The following KIF6 variants were observed in gnomAD, a reference collection of about 807,000 sequenced individuals.
KIF6 encodes the protein kinesin-like protein KIF6.
KIF6 carries 106 observed loss-of-function variants against 112.7 expected under a neutral mutation model. That is an observed-to-expected ratio of 0.94 (90% CI 0.80 to 1.11). The LOEUF (loss-of-function observed/expected upper bound fraction) is 1.11. Ranked by LOEUF, KIF6 falls within the 50% of genes least tolerant of loss-of-function variation. The pLI is 0.00. For synonymous variants in KIF6, 339 were observed against 339.9 expected, an observed-to-expected ratio of 1.00 and a Z score of 0.03; for missense variants, 929 against 964.0, an observed-to-expected ratio of 0.96 and a Z score of 0.48.
chr6:39,519,744 G>T (rs937986657), intron 13 of KIF6, among the ~76,000 whole-genome samples: 3 of 89,260 alleles, frequency 3.4e-5, no homozygotes, highest in African/African-American at 2.2e-4. Context: ...AAGCCAGCCG[G>T]GCGCCGCGGC....
chr6:39,689,578 T>G (rs1375786525), intron 3 of KIF6, among the ~76,000 whole-genome samples: 1 of 152,148 alleles, frequency 6.6e-6, no homozygotes, highest in Non-Finnish European at 1.5e-5. Context: ...TGAATTCTGC[T>G]GTCATATAAT....
chr6:39,643,167 T>C (rs1784997157), intron 3 of KIF6, among the ~76,000 whole-genome samples: 1 of 152,186 alleles, frequency 6.6e-6, no homozygotes, highest in Admixed American at 6.6e-5. Flanking sequence ...AGGAATTTAC[T>C]ATAAAATTAT....
chr6:39,544,734 C>T lies in KIF6; in HGVS notation c.1288-41G>A, dbSNP rs73414667. Reference sequence around the variant, plus strand: ...AGAGCTTAGTACCCATATCTCTAGTCCAAATTTCTTTGTTTCTTTGACTCT... The same window carrying T: ...AGAGCTTAGTACCCATATCTCTAGTTCAAATTTCTTTGTTTCTTTGACTCT... On this transcript the variant is annotated intron_variant, in intron 11 of 22. Coordinates refer to ENST00000287152, the MANE Select transcript of KIF6 (RefSeq NM_145027.6). The T allele has an allele frequency of 6.3e-3, 8,031 of 1,278,722 alleles. 380 individuals carry two copies. In the African/African-American group the frequency reaches 0.1, roughly 17 times the overall value. The allele number at this position is 1,278,722 out of a possible 1,614,324, so 79.2% of individuals were successfully genotyped here.
At chr6:39,687,645 T>C (rs950299022) in intron 3 of KIF6, among the ~76,000 whole-genome samples, 1 of 152,156 alleles carries the variant, frequency 6.6e-6, no homozygotes, top group Admixed American at 6.6e-5. Flanking sequence ...TTTAATACAT[T>C]TTGTTAGTAT....
chr6:39,586,428 G>A (rs766595808), intron 7 of KIF6, 24 bp from the exon 8 acceptor site: 1 of 1,606,360 alleles, frequency 6.2e-7, no homozygotes, highest in Admixed American at 1.7e-5. Context: ...GAAAGATAAT[G>A]GGATTAATTT....
chr6:39,409,653 C>T (rs527819207), intron 15 of KIF6, among the ~76,000 whole-genome samples: 1 of 152,304 alleles, frequency 6.6e-6, no homozygotes, highest in East Asian at 1.9e-4. Flanking sequence ...GTTAGAGAGC[C>T]AGTCTGGTCC....
chr6:39,336,201 T>G lies in KIF6; in HGVS notation c.*331A>C. On this transcript the variant is annotated 3_prime_UTR_variant, in exon 23 of 23. Coordinates refer to ENST00000287152, the MANE Select transcript of KIF6 (RefSeq NM_145027.6). ...TATATTTTGATGGTGCTATTTCACATTCTCAAAAGCTTATAAAGATCTACA... is the reference window on the plus strand; with the variant it reads ...TATATTTTGATGGTGCTATTTCACAGTCTCAAAAGCTTATAAAGATCTACA... 3.8e-6 allele frequency: 1 copy of G among 260,812 alleles called. No individual in the cohort carries two copies. The highest frequency in any genetic ancestry group is 7.2e-6 in the Non-Finnish European group (1 of 138,376). The allele number at this position is 260,812 out of a possible 1,614,324, so 16.2% of individuals were successfully genotyped here. A position where few individuals can be genotyped will look rare whatever the true frequency, so the allele number is the denominator to read the frequency against.
intron 19 of KIF6, among the ~76,000 whole-genome samples, chr6:39,354,510 G>GA (rs1287045350): frequency 6.6e-6 from 1 of 152,220 alleles, no homozygotes; most frequent in East Asian, 1.9e-4. Context: ...AATGATGTAG[G>GA]AACTAGAAGA....
chr6:39,586,365 G>T lies in KIF6; in HGVS notation c.886C>A (p.Pro296Thr). ...ALSEKHRSHI[P>T]YRNSMMTSVL... ...CTGGTCATCATGGAGTTTCTATAAG[G>T]AATGTGCGAACGGTGCTTTTCTGAA... The change falls in exon 8 of 23, where the codon CCT becomes ACT. Residue 296 changes from proline (P) to threonine (T), a missense_variant. Pro to Thr is a conservative substitution (Grantham distance 38). Around this residue, in one of 2 missense-constraint regions of KIF6, gnomAD observed 688 missense variants for 662.7 expected, o/e 1.04. Transcript: ENST00000287152. 6.2e-7 allele frequency: 1 copy of T among 1,614,040 alleles called. No individual in the cohort carries two copies. The highest frequency in any genetic ancestry group is 1.1e-5 in the South Asian group (1 of 91,074).
chr6:39,394,132 G>A (rs1562169967), intron 15 of KIF6, among the ~76,000 whole-genome samples: 2 of 152,192 alleles, frequency 1.3e-5, no homozygotes, highest in Non-Finnish European at 2.9e-5. Flanking sequence ...ACAGGTTACT[G>A]AGGGTGGAAG....
In KIF6 at chr6:39,455,821, A is replaced by T. The variant is rs9471109; in HGVS notation, c.1646-24660T>A. Among the ~76,000 whole-genome samples, 132 of 148,924 alleles carry T rather than the reference A, an allele frequency of 8.9e-4. 1 individual carries two copies. Among genetic ancestry groups the T allele is most frequent in the African/African-American group, 3.0e-3 (123 of 40,356 alleles). On this transcript the variant is annotated intron_variant, in intron 13 of 22. Transcript: ENST00000287152. ...GAAGCGAGAAGGGAAGTTTAGAGAA[A>T]AAAGAATAAAAAGAAATGAGCAAAG...
intron 16 of KIF6, among the ~76,000 whole-genome samples, chr6:39,381,625 A>G (rs716953): frequency 0.16 from 25,095 of 152,116 alleles, 3,065 homozygotes; most frequent in African/African-American, 0.34. Context: ...AATGAGGAGA[A>G]TTCCCATCTG....
intron 6 of KIF6, among the ~76,000 whole-genome samples, chr6:39,604,514 ACTT>A (rs1206729065): frequency 6.6e-6 from 1 of 152,072 alleles, no homozygotes; most frequent in African/African-American, 2.4e-5. Context: ...ATGATCCTAA[ACTT>A]CTCATTTTTC....
At chr6:39,432,346 G>A (rs1006232864) in intron 13 of KIF6, among the ~76,000 whole-genome samples, 1 of 152,154 alleles carries the variant, frequency 6.6e-6, no homozygotes, top group Non-Finnish European at 1.5e-5. Flanking sequence ...ACACAGTCCA[G>A]GGTTAGTGAG....
At chr6:39,375,006 A>G (rs1025010255) in intron 16 of KIF6, among the ~76,000 whole-genome samples, 4 of 152,264 alleles carry the variant, frequency 2.6e-5, no homozygotes, top group Non-Finnish European at 4.4e-5. Flanking sequence ...TGTGGTATAT[A>G]TACACAATGG....
chr6:39,604,078 C>T (rs1445307695), intron 6 of KIF6, among the ~76,000 whole-genome samples: 1 of 152,140 alleles, frequency 6.6e-6, no homozygotes, highest in African/African-American at 2.4e-5. Flanking sequence ...CAGCTTTCCA[C>T]TTCAGTTCTC....
chr6:39,525,504 C>T (rs1312855810), intron 13 of KIF6, among the ~76,000 whole-genome samples: 1 of 152,188 alleles, frequency 6.6e-6, no homozygotes, highest in Non-Finnish European at 1.5e-5. Context: ...CCTGTACTCC[C>T]AGCACTTTGG....
chr6:39,351,255 G>C (rs769546127), intron 19 of KIF6, among the ~76,000 whole-genome samples: 55 of 147,210 alleles, frequency 3.7e-4, no homozygotes, highest in Non-Finnish European at 4.3e-4. Context: ...TTTCAGACAG[G>C]GTCTCGCTCT....
intron 15 of KIF6, among the ~76,000 whole-genome samples, chr6:39,397,524 A>T (rs1208224009): frequency 6.7e-6 from 1 of 149,102 alleles, no homozygotes; most frequent in Non-Finnish European, 1.5e-5. Flanking sequence ...CAGGAAGAAC[A>T]TCGTTTCCCC....
Sources: allele counts gnomAD v4.1 joint callset (sites outside exome capture counted in the v4.1 genomes callset), GRCh38; gene constraint gnomAD v4.1.1; regional missense constraint gnomAD v4.1.1; transcripts MANE v1.5; gene names NCBI Gene and HGNC (gene_info 2026-07-23, HGNC 2026-07-21).